GALNT9: variants seen among roughly 807,000 people sequenced by gnomAD.
The protein encoded by GALNT9 is polypeptide N-acetylgalactosaminyltransferase 9.
Under a neutral mutation model 63.1 loss-of-function variants are expected in GALNT9, and 47 were observed. The observed-to-expected ratio is 0.75, with a 90% CI of 0.59 to 0.95. The LOEUF is 0.95. GALNT9 is among the 40% of genes least tolerant of loss of function. The pLI is 0.00. For synonymous variants in GALNT9, 396 were observed against 365.7 expected, an observed-to-expected ratio of 1.08 and a Z score of -0.94; for missense variants, 829 against 874.8, an observed-to-expected ratio of 0.95 and a Z score of 0.66.
intron 6 of GALNT9, chr12:132,247,462 A>G (rs1021807094): frequency 2.6e-6 from 1 of 380,066 alleles, no homozygotes; most frequent in Admixed American, 3.1e-5. Context: ...CAGCTCAGGG[A>G]CCCTGGGAGC....
chr12:132,218,203 T>G (rs1331178459), intron 6 of GALNT9, among the ~76,000 whole-genome samples: 1 of 152,220 alleles, frequency 6.6e-6, no homozygotes, highest in Non-Finnish European at 1.5e-5. Context: ...GTCTGGGCGC[T>G]GTGCAAAGCT....
At chr12:132,208,687 G>A (rs1257949124) in intron 6 of GALNT9, among the ~76,000 whole-genome samples, 3 of 152,190 alleles carry the variant, frequency 2.0e-5, no homozygotes, top group African/African-American at 7.2e-5. Flanking sequence ...CATCAGCAAG[G>A]CCAGCTGAGA....
intron 8 of GALNT9, among the ~76,000 whole-genome samples, chr12:132,199,632 G>A (rs961800352): frequency 6.6e-6 from 1 of 152,164 alleles, no homozygotes; most frequent in Admixed American, 6.5e-5. Context: ...CAGCCTTGCA[G>A]TCTAGGCTGG....
intron 5 of GALNT9, among the ~76,000 whole-genome samples, chr12:132,253,775 TC>T (rs1371202357): frequency 1.3e-5 from 2 of 152,132 alleles, no homozygotes; most frequent in Non-Finnish European, 2.9e-5. Flanking sequence ...CACCTAAAGT[TC>T]CATTCCCCAA....
intron 6 of GALNT9, among the ~76,000 whole-genome samples, chr12:132,213,117 CCT>C (rs1197342476): frequency 0.43 from 37,775 of 87,600 alleles, 16,152 homozygotes; most frequent in East Asian, 0.82. Context: ...AGCCTTCAGA[CCT>C]CGACACGGAA....
At chr12:132,228,930 C>T (rs1325668907) in intron 6 of GALNT9, among the ~76,000 whole-genome samples, 2 of 152,192 alleles carry the variant, frequency 1.3e-5, no homozygotes, top group Non-Finnish European at 2.9e-5. Context: ...TGTAAATTGG[C>T]CCCAAGACGG....
Position 132,206,646 on chromosome 12 carries a change from CAA to C in GALNT9, c.1078-2958_1078-2957del, listed in dbSNP as rs34047036. 2.9e-3 allele frequency among the ~76,000 whole-genome samples: 394 copies of C among 135,678 alleles called. 1 individual carries two copies. Among genetic ancestry groups the C allele is most frequent in the Admixed American group, 5.9e-3 (80 of 13,632 alleles). The allele number at this position is 135,678 out of a possible 152,430, so 89.0% of individuals were successfully genotyped here. On this transcript the variant is annotated intron_variant, in intron 6 of 10. Coordinates refer to ENST00000328957, the MANE Select transcript of GALNT9 (RefSeq NM_001122636.2). Reference sequence around the variant, plus strand: ...TGGGCGACAGAGCGAGACTCCGTCTCAAAAAAAAAAAAAAAGGACCAAAACCA... The same window carrying C: ...TGGGCGACAGAGCGAGACTCCGTCTCAAAAAAAAAAAAAGGACCAAAACCA...
intron 2 of GALNT9, chr12:132,277,639 T>C (rs1007922799): frequency 2.7e-5 from 4 of 149,920 alleles, no homozygotes; most frequent in Non-Finnish European, 4.4e-5. Flanking sequence ...GCTCCAGGAC[T>C]GCTGGGGGCT....
chr12:132,241,216 C>A (rs1305176830), intron 6 of GALNT9, among the ~76,000 whole-genome samples: 1 of 106,714 alleles, frequency 9.4e-6, no homozygotes, highest in Non-Finnish European at 2.0e-5. Context: ...CAACACACCC[C>A]CTTCCAGGGG....
At chr12:132,320,405 G>A (rs1297840300) in intron 1 of GALNT9, among the ~76,000 whole-genome samples, 2 of 152,214 alleles carry the variant, frequency 1.3e-5, no homozygotes, top group African/African-American at 4.8e-5. Context: ...GGATTCCTGG[G>A]GAATCTGTCG....
In GALNT9 at chr12:132,282,438, C is replaced by CGTGT. The variant is rs771000279; in HGVS notation, c.419+3808_419+3811dup. 6.6e-6 allele frequency among the ~76,000 whole-genome samples: 1 copy of CGTGT among 152,056 alleles called. No homozygotes were observed. Among genetic ancestry groups the CGTGT allele is most frequent in the African/African-American group, 2.4e-5 (1 of 41,410 alleles). The stretch of plus-strand genomic sequence containing the variant: ...GTGTGTGTGCGTGTGTGCGTGCATG[C>CGTGT]GTGTGTGTGCGTGTGCATGTGTGTG... On this transcript the variant is annotated intron_variant, in intron 2 of 10. Transcript: ENST00000328957. This position sits in a 1 kb window ranked among gnomAD's most constrained non-coding sequence, Gnocchi z 4.5.
chr12:132,324,556 C>CG (rs1354211850), intron 1 of GALNT9, among the ~76,000 whole-genome samples: 2 of 152,202 alleles, frequency 1.3e-5, no homozygotes, highest in African/African-American at 4.8e-5. Flanking sequence ...CTTGTGGCAG[C>CG]GGGGGGTCTT....
At chr12:132,325,483 G>C (rs35181597) in intron 1 of GALNT9, among the ~76,000 whole-genome samples, 31,709 of 152,142 alleles carry the variant, frequency 0.21, 3,419 homozygotes, top group East Asian at 0.26. Flanking sequence ...GTCCCCAGAG[G>C]GGGGGCCGTG....
At chr12:132,267,448 C>T (rs28729406) in intron 2 of GALNT9, among the ~76,000 whole-genome samples, 17,815 of 152,198 alleles carry the variant, frequency 0.12, 3,463 homozygotes, top group African/African-American at 0.4. Flanking sequence ...CGCATTCTCC[C>T]GTGCACACGG....
Position 132,296,731 on chromosome 12 carries a change from C to G in GALNT9, c.239-10301G>C, listed in dbSNP as rs1881088849. ...ATTCACAAGAAAAGACCTTATTTCT[C>G]ACACTCTGGGAGGCTGGGAAGTCCA... On this transcript the variant is annotated intron_variant, in intron 1 of 10. Coordinates refer to ENST00000328957, the MANE Select transcript of GALNT9 (RefSeq NM_001122636.2). This position sits in a 1 kb window ranked among gnomAD's most constrained non-coding sequence, Gnocchi z 4.2. Among the ~76,000 whole-genome samples, 1 of 152,060 alleles carries G rather than the reference C, an allele frequency of 6.6e-6. No individual in the cohort carries two copies. Among genetic ancestry groups the G allele is most frequent in the Non-Finnish European group, 1.5e-5 (1 of 68,024 alleles).
rs1443593811 is a variant in GALNT9 at position 132,329,507 on chromosome 12, G to T, written c.-304C>A. Among the ~76,000 whole-genome samples the T allele has an allele frequency of 1.4e-5, 2 of 147,748 alleles. No individual in the cohort carries two copies. The highest frequency in any genetic ancestry group is 4.9e-5 in the African/African-American group (2 of 40,928). ...GCCGGGGGCGCCGGGGGGCGGCGGGGAAGGCGCGGGCGGGCGGCGCTCGGT... is the reference window on the plus strand; with the variant it reads ...GCCGGGGGCGCCGGGGGGCGGCGGGTAAGGCGCGGGCGGGCGGCGCTCGGT... On this transcript the variant is annotated 5_prime_UTR_variant, in exon 1 of 11. Coordinates refer to ENST00000328957, the MANE Select transcript of GALNT9 (RefSeq NM_001122636.2).
chr12:132,220,377 GGAC>G (rs1249776431), intron 6 of GALNT9, among the ~76,000 whole-genome samples: 3 of 152,168 alleles, frequency 2.0e-5, no homozygotes, highest in African/African-American at 7.2e-5. Context: ...AGAGGTCTTA[GGAC>G]GACTGTTAGA....
At chr12:132,302,268 A>ACACACACACG (rs1555243900) in intron 1 of GALNT9, among the ~76,000 whole-genome samples, 1 of 151,106 alleles carries the variant, frequency 6.6e-6, no homozygotes, top group African/African-American at 2.4e-5. Context: ...ACACACACAC[A>ACACACACACG]GGATCACCTG....
chr12:132,267,598 C>A (rs1593094160), intron 2 of GALNT9, among the ~76,000 whole-genome samples: 1 of 152,192 alleles, frequency 6.6e-6, no homozygotes. Flanking sequence ...AGGACTCACA[C>A]CACCTCAAGT....
Sources: allele counts gnomAD v4.1 joint callset (sites outside exome capture counted in the v4.1 genomes callset), GRCh38; gene constraint gnomAD v4.1.1; non-coding constraint Gnocchi (gnomAD v3.1); transcripts MANE v1.5; gene names NCBI Gene and HGNC (gene_info 2026-07-23, HGNC 2026-07-21).